The following ERC2 variants were observed in gnomAD, a reference collection of about 807,000 sequenced individuals.
The protein encoded by ERC2 is ERC protein 2.
A neutral mutation model predicts 114.8 loss-of-function variants in ERC2; 42 were observed. That is an observed-to-expected ratio of 0.37 (90% confidence interval 0.29 to 0.47). ERC2 has a LOEUF of 0.47. Among genes scored for constraint, ERC2 ranks in the 20% least tolerant of loss-of-function variants. The probability of loss-of-function intolerance (pLI) is 0.99; values close to 1 mark genes in which losing one functional copy is unlikely to be tolerated. For synonymous variants in ERC2, 454 were observed against 425.5 expected (o/e 1.07, Z -0.82); for missense variants, 939 against 1,150.7 (o/e 0.82, Z 2.66).
rs538365042 is a variant in ERC2, at chr3:56,037,658, G to A, written c.1642-18627C>T. On this transcript the variant is annotated intron_variant, in intron 7 of 17. Transcript: ENST00000288221. ...GATATCATCCAGGAGAACTTCCCCAGTCTAGAAAGACAGGCCAACATTTAA... is the reference window on the plus strand; with the variant it reads ...GATATCATCCAGGAGAACTTCCCCAATCTAGAAAGACAGGCCAACATTTAA... Among the ~76,000 whole-genome samples the A allele has an allele frequency of 2.0e-5, 3 of 152,264 alleles. No homozygotes were observed. The South Asian group carries it at 6.2e-4, about 32-fold the overall frequency.
chr3:56,073,082 A>T (rs1303887599), intron 7 of ERC2, among the ~76,000 whole-genome samples: 2 of 152,232 alleles, frequency 1.3e-5, no homozygotes, highest in East Asian at 3.8e-4. Context: ...ACACACAAAC[A>T]TACACGAGAA....
intron 17 of ERC2, among the ~76,000 whole-genome samples, chr3:55,541,049 CAAGAA>C (rs1260816157): frequency 6.6e-6 from 1 of 152,134 alleles, no homozygotes; most frequent in Non-Finnish European, 1.5e-5. Context: ...TTCAGAAACT[CAAGAA>C]AAGTCAGATC....
intron 2 of ERC2, among the ~76,000 whole-genome samples, chr3:56,393,004 C>T (rs1342704966): frequency 6.6e-6 from 1 of 152,168 alleles, no homozygotes; most frequent in Non-Finnish European, 1.5e-5. Flanking sequence ...ACACCTCCTC[C>T]CTAGGGTCTT....
intron 17 of ERC2, among the ~76,000 whole-genome samples, chr3:55,586,592 A>G (rs1397887589): frequency 6.6e-6 from 1 of 152,236 alleles, no homozygotes; most frequent in Non-Finnish European, 1.5e-5. Flanking sequence ...ATATTTTTAA[A>G]ACTAGCCTTT....
chr3:56,176,378 G>A (rs2082979512), intron 3 of ERC2, among the ~76,000 whole-genome samples: 1 of 152,102 alleles, frequency 6.6e-6, no homozygotes, highest in Non-Finnish European at 1.5e-5. Flanking sequence ...TGTAATTTCT[G>A]CCAAACACGA....
chr3:56,201,980 T>C (rs2048435642), intron 3 of ERC2, among the ~76,000 whole-genome samples: 1 of 152,084 alleles, frequency 6.6e-6, no homozygotes, highest in Non-Finnish European at 1.5e-5. Context: ...TAACTCAGAG[T>C]CAAATTGCAA....
chr3:55,603,643 CAA>C (rs34016147), intron 17 of ERC2, among the ~76,000 whole-genome samples: 171 of 67,340 alleles, frequency 2.5e-3, no homozygotes, highest in Non-Finnish European at 3.6e-3. Context: ...GACTCTGTCT[CAA>C]AAAAAAAAAA....
At position 55,534,631 on chromosome 3, in the gene ERC2, G is replaced by A. The variant is rs2053878093; in HGVS notation, c.*40-23355C>T. Among the ~76,000 whole-genome samples, 4 of 152,068 alleles carry A rather than the reference G, an allele frequency of 2.6e-5. 1 individual carries two copies. The South Asian group carries it at 8.3e-4, about 32-fold the overall frequency. On this transcript the variant is annotated intron_variant, in intron 17 of 17. Coordinates refer to ENST00000288221, the MANE Select transcript of ERC2 (RefSeq NM_015576.3). Reference sequence around the variant, plus strand: ...GGATCAATCGAGCCTGGGAAGTCGAGGCTGCAGTGAGCTGAGATTACGTCA... The same window carrying A: ...GGATCAATCGAGCCTGGGAAGTCGAAGCTGCAGTGAGCTGAGATTACGTCA...
chr3:55,987,464 T>C (rs2070726005), intron 11 of ERC2, among the ~76,000 whole-genome samples: 1 of 152,244 alleles, frequency 6.6e-6, no homozygotes, highest in African/African-American at 2.4e-5. Flanking sequence ...GAATGGCATA[T>C]AGCCATCTGC....
chr3:55,623,825 C>A (rs896378741), intron 17 of ERC2, among the ~76,000 whole-genome samples: 1 of 152,214 alleles, frequency 6.6e-6, no homozygotes, highest in African/African-American at 2.4e-5. Context: ...GTGCTCTCGC[C>A]ATTGTTCCAT....
intron 3 of ERC2, among the ~76,000 whole-genome samples, chr3:56,242,015 G>A (rs2051355856): frequency 6.6e-6 from 1 of 152,090 alleles, no homozygotes; most frequent in Non-Finnish European, 1.5e-5. Flanking sequence ...TTATCATCTG[G>A]CCGTTTAAGA....
intron 3 of ERC2, among the ~76,000 whole-genome samples, chr3:56,278,938 G>A (rs1459958122): frequency 6.6e-6 from 1 of 152,146 alleles, no homozygotes; most frequent in Non-Finnish European, 1.5e-5. Context: ...CAGCATTGGG[G>A]ATCACATTTC....
At chr3:55,634,335 A>G (rs146205645) in intron 17 of ERC2, among the ~76,000 whole-genome samples, 4 of 152,318 alleles carry the variant, frequency 2.6e-5, no homozygotes, top group African/African-American at 9.6e-5. Flanking sequence ...TATGTAAACC[A>G]TACATTCATG....
At chr3:55,673,307 G>A (rs116496558) in intron 17 of ERC2, among the ~76,000 whole-genome samples, 2,085 of 152,324 alleles carry the variant, frequency 0.014, 20 homozygotes, top group South Asian at 0.026. Flanking sequence ...AGCAGAGGCC[G>A]GGCACGGTGG....
At chr3:56,116,996 A>G (rs572819490) in intron 6 of ERC2, among the ~76,000 whole-genome samples, 1 of 152,364 alleles carries the variant, frequency 6.6e-6, no homozygotes, top group South Asian at 2.1e-4. Flanking sequence ...AAATATTCTT[A>G]ATCATACCTG....
intron 13 of ERC2, among the ~76,000 whole-genome samples, chr3:55,941,606 C>T (rs2066801230): frequency 6.6e-6 from 1 of 152,198 alleles, no homozygotes; most frequent in South Asian, 2.1e-4. Flanking sequence ...TCCCAGGGAA[C>T]ACAACTGAAG....
rs575551741 is a variant in ERC2 at position 55,536,826 on chromosome 3, G to A, written c.*40-25550C>T. On this transcript the variant is annotated intron_variant, in intron 17 of 17. Transcript: ENST00000288221. ...ATGCTGATGGCCTCCCAGCCCCCTC[G>A]GCCCAGTGCCTCAACCCCGTCCTAC... Among the ~76,000 whole-genome samples, 11 of 152,152 alleles carry A rather than the reference G, an allele frequency of 7.2e-5. No homozygotes were observed. In the South Asian group the frequency reaches 1.0e-3, roughly 14 times the overall value.
At chr3:56,133,887 C>A (rs2080346570) in intron 6 of ERC2, among the ~76,000 whole-genome samples, 1 of 152,170 alleles carries the variant, frequency 6.6e-6, no homozygotes, top group East Asian at 1.9e-4. Flanking sequence ...TCAAATGACA[C>A]CTCACTGATT....
intron 2 of ERC2, among the ~76,000 whole-genome samples, chr3:56,396,743 G>T (rs1444695345): frequency 6.6e-6 from 1 of 152,112 alleles, no homozygotes; most frequent in Admixed American, 6.5e-5. Flanking sequence ...CACAAGCACA[G>T]AAAGGAAAGA....
Sources: gnomAD v4.1 joint callset for allele counts (sites outside exome capture counted in the v4.1 genomes callset) on GRCh38, gnomAD v4.1.1 for gene constraint, MANE v1.5 for transcripts, NCBI Gene and HGNC (gene_info 2026-07-23, HGNC 2026-07-21) for gene names.